Variants in CSF1R observed in about 807,000 individuals in gnomAD.
CSF1R encodes colony stimulating factor 1 receptor, also known as macrophage colony-stimulating factor 1 receptor.
CSF1R carries 40 observed loss-of-function variants against 110.0 expected under a neutral mutation model. The observed-to-expected ratio is 0.36, with a 90% CI of 0.28 to 0.47. CSF1R has a LOEUF of 0.47. Among genes scored for constraint, CSF1R ranks in the 20% least tolerant of loss-of-function variants. CSF1R has a pLI of 0.99. For synonymous variants in CSF1R, 523 were observed against 503.4 expected, an observed-to-expected ratio of 1.04 and a Z score of -0.52; for missense variants, 1,052 against 1,253.0, an observed-to-expected ratio of 0.84 and a Z score of 2.42.
rs765630706 is a variant in CSF1R at position 150,061,552 on chromosome 5, G to A, written c.1797C>T (p.Ala599=). 2.9e-5 allele frequency: 47 copies of A among 1,613,650 alleles called. No individual in the cohort carries two copies. The highest frequency in any genetic ancestry group is 3.8e-5 in the Non-Finnish European group (45 of 1,180,010). The change falls in exon 12 of 21, where the codon GCC becomes GCT. Residue 599 remains alanine (A), a synonymous_variant. Transcript: ENST00000675795. ...CCTCCTTGCCCAGACCAAAGGCCGT[G>A]GCCTCCACCACCTTCCCAAAGGCTC... is the stretch of plus-strand genomic sequence containing the variant. ...GAGAFGKVVE[A]TAFGLGKEDA... is the part of the protein sequence containing the mutation.
At position 150,054,040 on chromosome 5, in the gene CSF1R, G is replaced by A. The variant is rs1581275686; in HGVS notation, c.*29C>T. 1.9e-6 allele frequency: 3 copies of A among 1,610,104 alleles called. No homozygotes were observed. Among genetic ancestry groups the A allele is most frequent in the Non-Finnish European group, 2.5e-6 (3 of 1,177,288 alleles). On this transcript the variant is annotated 3_prime_UTR_variant, in exon 21 of 21. Transcript: ENST00000675795. Reference sequence around the variant, plus strand: ...TGGAGGAGTTGAAGTTTGTGGGAGGGGAGAGTGGTACTCCCTGTCGTCAAC... The same window carrying A: ...TGGAGGAGTTGAAGTTTGTGGGAGGAGAGAGTGGTACTCCCTGTCGTCAAC...
Position 150,077,405 on chromosome 5 carries a change from T to C in CSF1R, c.760A>G (p.Asn254Asp), listed in dbSNP as rs765287563. The stretch of plus-strand genomic sequence containing the variant: ...GTCAGGACTTTTTGGTAACGGTTAT[T>C]ATGAAAGTCAGATTGTTGAGGGATT... ...LAIPQQSDFH[N>D]NRYQKVLTLN... The change falls in exon 5 of 21, where the codon AAT becomes GAT. Residue 254 changes from asparagine to aspartate, a missense_variant. Asn to Asp is a conservative substitution (Grantham distance 23). Coordinates refer to ENST00000675795, the MANE Select transcript of CSF1R (RefSeq NM_001288705.3). 1 of 1,613,652 alleles carries C rather than the reference T, an allele frequency of 6.2e-7. No individual in the cohort carries two copies. Among genetic ancestry groups the C allele is most frequent in the South Asian group, 1.1e-5 (1 of 91,066 alleles).
chr5:150,074,971 A>G (rs980621806), intron 5 of CSF1R, among the ~76,000 whole-genome samples: 2 of 152,086 alleles, frequency 1.3e-5, no homozygotes, highest in African/African-American at 2.4e-5. Flanking sequence ...CCTCCTTTTC[A>G]TTATAGAGGC....
Position 150,078,104 on chromosome 5 carries a change from G to C in CSF1R, c.729+8C>G, listed in dbSNP as rs2113826443. ...CCAGACTTCACCTTGTGATCTGCAGGGACTGACCTTGGTGTTGTTGTGTTG... is the reference window on the plus strand; with the variant it reads ...CCAGACTTCACCTTGTGATCTGCAGCGACTGACCTTGGTGTTGTTGTGTTG... On this transcript the variant is annotated splice_region_variant and intron_variant, in intron 4 of 20. Transcript: ENST00000675795. 6.2e-7 allele frequency: 1 copy of C among 1,614,018 alleles called. No individual in the cohort carries two copies. Among genetic ancestry groups the C allele is most frequent in the Non-Finnish European group, 8.5e-7 (1 of 1,179,940 alleles).
chr5:150,105,848 G>A (rs1212538296), intron 1 of CSF1R, among the ~76,000 whole-genome samples: 1 of 152,190 alleles, frequency 6.6e-6, no homozygotes, highest in Non-Finnish European at 1.5e-5. Flanking sequence ...TCTGAGTGCT[G>A]TTTATGTGCC....
At chr5:150,055,978 C>T in intron 18 of CSF1R, 48 bp downstream of exon 18, 1 of 1,566,070 alleles carries the variant, frequency 6.4e-7, no homozygotes, top group Non-Finnish European at 8.8e-7. Context: ...GTGGGGCAAC[C>T]AGAGGAGCCA....
In CSF1R at chr5:150,097,731, A is replaced by G. The variant is rs1229534675; in HGVS notation, c.-180-11124T>C. On this transcript the variant is annotated intron_variant, in intron 1 of 21. Coordinates refer to the CSF1R transcript ENST00000286301. ...GCAAGATCTGCATACTGTGTACAAA[A>G]CACTGAGAAAAGAAAATGAATGAGA... is the stretch of plus-strand genomic sequence containing the variant. Among the ~76,000 whole-genome samples, 4 of 152,232 alleles carry G rather than the reference A, an allele frequency of 2.6e-5. No individual in the cohort carries two copies. In the East Asian group the frequency reaches 7.7e-4, roughly 29 times the overall value.
At position 150,080,921 on chromosome 5, in the gene CSF1R, A is replaced by T. The variant is rs1206393347; in HGVS notation, c.153T>A (p.Asp51Glu). ...RCVGNGSVEW[D>E]GPPSPHWTLY... is the part of the protein sequence containing the mutation. ...GGGTCCAGTGAGGTGATGGGGGGCC[A>T]TCCCATTCCACGCTGCCATTGCCCA... Residue 51 changes from aspartate to glutamate, a missense_variant, in exon 2 of 21, where the codon GAT becomes GAA. By Grantham distance (45) the Asp-to-Glu change is conservative. Around this residue, in one of 5 missense-constraint regions of CSF1R, gnomAD observed 693 missense variants for 735.4 expected, o/e 0.94. Coordinates refer to ENST00000675795, the MANE Select transcript of CSF1R (RefSeq NM_001288705.3). 7.4e-6 allele frequency: 12 copies of T among 1,614,034 alleles called. No homozygotes were observed. The Admixed American group carries it at 2.0e-4, about 27-fold the overall frequency.
Position 150,053,440 on chromosome 5 carries a change from C to T in CSF1R, c.*629G>A, listed in dbSNP as rs1348017283. On this transcript the variant is annotated 3_prime_UTR_variant, in exon 21 of 21. Coordinates refer to ENST00000675795, the MANE Select transcript of CSF1R (RefSeq NM_001288705.3). Reference sequence around the variant, plus strand: ...TCCCCTGCCTTCTAGCCCAGAATGACGGGACTGGGCAGAACACCCCCAACT... The same window carrying T: ...TCCCCTGCCTTCTAGCCCAGAATGATGGGACTGGGCAGAACACCCCCAACT... The T allele has an allele frequency of 1.3e-5, 3 of 234,452 alleles. No individual in the cohort carries two copies. Among genetic ancestry groups the T allele is most frequent in the Non-Finnish European group, 1.7e-5 (2 of 118,672 alleles). 14.5% of individuals were successfully genotyped at this position (234,452 alleles called of 1,614,324 possible).
At chr5:150,069,760 A>C in intron 9 of CSF1R, 113 bp downstream of exon 9, 1 of 1,040,500 alleles carries the variant, frequency 9.6e-7, no homozygotes, top group Non-Finnish European at 1.3e-6. Context: ...GATCTGCTCC[A>C]AAGGTGGAGC....
At chr5:150,110,228 C>T (rs1366563358) in intron 1 of CSF1R, among the ~76,000 whole-genome samples, 1 of 152,180 alleles carries the variant, frequency 6.6e-6, no homozygotes, top group Non-Finnish European at 1.5e-5. Flanking sequence ...TTGGAATTAG[C>T]TTAGACTATG....
At chr5:150,076,660 CCT>C (rs1472237526) in intron 5 of CSF1R, among the ~76,000 whole-genome samples, 6 of 152,220 alleles carry the variant, frequency 3.9e-5, no homozygotes, top group African/African-American at 9.7e-5. Flanking sequence ...CCTCTGCTCC[CCT>C]GTGGCCACTC....
At chr5:150,083,807 T>C (rs1758676451) in intron 1 of CSF1R, among the ~76,000 whole-genome samples, 1 of 152,192 alleles carries the variant, frequency 6.6e-6, no homozygotes, top group African/African-American at 2.4e-5. Flanking sequence ...TATGTTCACT[T>C]TCCCTATGTA....
upstream of CSF1R, among the ~76,000 whole-genome samples, chr5:150,089,060 A>G (rs1441475129): frequency 1.1e-4 from 17 of 152,234 alleles, no homozygotes; most frequent in Non-Finnish European, 5.9e-5. Flanking sequence ...CAAACTAGCA[A>G]TAAAAGGGAA....
At position 150,078,218 on chromosome 5, in the gene CSF1R, A is replaced by G. The variant is rs2113826963; in HGVS notation, c.623T>C (p.Val208Ala). 1.2e-6 allele frequency: 2 copies of G among 1,614,044 alleles called. No homozygotes were observed. The highest frequency in any genetic ancestry group is 1.7e-6 in the Non-Finnish European group (2 of 1,179,982). The change falls in exon 4 of 21, where the codon GTG becomes GCG. Residue 208 changes from valine (V) to alanine (A), a missense_variant. Val to Ala is a moderately conservative substitution (Grantham distance 64). Around this residue, in one of 5 missense-constraint regions of CSF1R, gnomAD observed 693 missense variants for 735.4 expected, o/e 0.94. Transcript: ENST00000675795. Reference protein sequence around the residue: ...VIPGPPALTLVPAELVRIRGE... With the variant: ...VIPGPPALTLAPAELVRIRGE... Reference sequence around the variant, plus strand: ...TCGAATCCGCACCAGCTCTGCAGGCACCAGTGTCAAGGCTGGGGGCCCTGG... The same window carrying G: ...TCGAATCCGCACCAGCTCTGCAGGCGCCAGTGTCAAGGCTGGGGGCCCTGG...
chr5:150,075,482 C>T (rs905301664), intron 5 of CSF1R, among the ~76,000 whole-genome samples: 3 of 152,250 alleles, frequency 2.0e-5, no homozygotes, highest in Non-Finnish European at 4.4e-5. Flanking sequence ...GGATGGAGCT[C>T]CCTTCTCCAA....
In CSF1R at chr5:150,054,039, G is replaced by C. The variant is rs1757057162; in HGVS notation, c.*30C>G. ...ATGGAGGAGTTGAAGTTTGTGGGAG[G>C]GGAGAGTGGTACTCCCTGTCGTCAA... On this transcript the variant is annotated 3_prime_UTR_variant, in exon 21 of 21. Coordinates refer to ENST00000675795, the MANE Select transcript of CSF1R (RefSeq NM_001288705.3). The C allele has an allele frequency of 6.2e-7, 1 of 1,609,398 alleles. No individual in the cohort carries two copies. The highest frequency in any genetic ancestry group is 2.2e-5 in the East Asian group (1 of 44,726).
intron 1 of CSF1R, among the ~76,000 whole-genome samples, chr5:150,083,430 T>C (rs898864706): frequency 6.8e-6 from 1 of 147,486 alleles, no homozygotes; most frequent in Admixed American, 6.7e-5. Flanking sequence ...ACAGCCCCTC[T>C]TCAGCCCAGG....
intron 9 of CSF1R, among the ~76,000 whole-genome samples, chr5:150,069,652 C>T (rs1404705189): frequency 2.0e-5 from 3 of 152,118 alleles, no homozygotes; most frequent in African/African-American, 7.2e-5. Context: ...TGCTTTCTCT[C>T]TGCTTTCTCA....
Sources: allele counts gnomAD v4.1 joint callset (sites outside exome capture counted in the v4.1 genomes callset), GRCh38; gene constraint gnomAD v4.1.1; regional missense constraint gnomAD v4.1.1; transcripts MANE v1.5; gene names NCBI Gene and HGNC (gene_info 2026-07-23, HGNC 2026-07-21).